CAMKMT: variants seen among roughly 807,000 people sequenced by gnomAD.
CAMKMT encodes calmodulin-lysine N-methyltransferase, also known as CaM KMT.
In CAMKMT, 53 loss-of-function variants were observed where a neutral mutation model predicts 48.0. The observed-to-expected ratio is 1.10, with a 90% confidence interval of 0.89 to 1.39. The LOEUF is 1.39. CAMKMT is among the 40% of genes most tolerant of loss of function. The pLI is 0.00. For synonymous variants in CAMKMT, 165 were observed against 152.3 expected (o/e 1.08, Z -0.61); for missense variants, 428 against 402.7 (o/e 1.06, Z -0.54).
At chr2:44,744,734 A>T (rs897129378) in intron 8 of CAMKMT, among the ~76,000 whole-genome samples, 1 of 152,032 alleles carries the variant, frequency 6.6e-6, no homozygotes, top group Admixed American at 6.6e-5. Flanking sequence ...TTTTAATAAG[A>T]TTTTCAATGG....
intron 3 of CAMKMT, among the ~76,000 whole-genome samples, chr2:44,485,720 A>G (rs951450905): frequency 6.6e-6 from 1 of 152,206 alleles, no homozygotes; most frequent in Non-Finnish European, 1.5e-5. Context: ...AACTGATATT[A>G]TAATCTGAAG....
At chr2:44,643,145 C>G (rs1390122223) in intron 3 of CAMKMT, among the ~76,000 whole-genome samples, 2 of 152,136 alleles carry the variant, frequency 1.3e-5, no homozygotes, top group Non-Finnish European at 2.9e-5. Context: ...AAATTATTGT[C>G]TATGAGTATA....
At chr2:44,547,321 T>A (rs1361168662) in intron 3 of CAMKMT, among the ~76,000 whole-genome samples, 1 of 152,116 alleles carries the variant, frequency 6.6e-6, no homozygotes, top group Non-Finnish European at 1.5e-5. Context: ...CAGGGATTGG[T>A]CAAGCTGGGA....
chr2:44,520,562 T>A (rs1338392421), intron 3 of CAMKMT, among the ~76,000 whole-genome samples: 2 of 152,206 alleles, frequency 1.3e-5, no homozygotes, highest in African/African-American at 4.8e-5. Context: ...CCTGCTCCTC[T>A]TATTTCAAAT....
At chr2:44,412,564 G>C (rs1415757339) in intron 3 of CAMKMT, among the ~76,000 whole-genome samples, 2 of 151,908 alleles carry the variant, frequency 1.3e-5, no homozygotes, top group Non-Finnish European at 2.9e-5. Context: ...TTAAATTCCT[G>C]ACCTCAGGTG....
chr2:44,588,677 G>A (rs1279810178), intron 3 of CAMKMT, among the ~76,000 whole-genome samples: 7 of 41,644 alleles, frequency 1.7e-4, no homozygotes, highest in African/African-American at 7.5e-4. Context: ...CCGGCCAGCC[G>A]CCCAGTCCGG....
intron 1 of CAMKMT, among the ~76,000 whole-genome samples, chr2:44,363,381 C>G (rs1351553675): frequency 2.6e-5 from 4 of 151,866 alleles, no homozygotes; most frequent in African/African-American, 9.7e-5. Context: ...CCCTTCCCCC[C>G]TCCTTTTTTT....
At chr2:44,396,971 A>C (rs1681906961) in intron 3 of CAMKMT, among the ~76,000 whole-genome samples, 1 of 151,536 alleles carries the variant, frequency 6.6e-6, no homozygotes, top group African/African-American at 2.4e-5. Flanking sequence ...AGGCAGTAGA[A>C]TCGCTTGAAC....
At chr2:44,377,047 C>T (rs1679770703) in intron 2 of CAMKMT, among the ~76,000 whole-genome samples, 1 of 152,078 alleles carries the variant, frequency 6.6e-6, no homozygotes, top group Admixed American at 6.6e-5. Context: ...CACTCTGTTG[C>T]CCAGGCTGGT....
intron 3 of CAMKMT, among the ~76,000 whole-genome samples, chr2:44,514,093 C>G (rs1670713155): frequency 7.6e-6 from 1 of 132,408 alleles, no homozygotes; most frequent in African/African-American, 2.8e-5. Flanking sequence ...CAGAGCGAGA[C>G]CCTGTCTCAA....
chr2:44,560,207 G>C (rs1210601455), intron 3 of CAMKMT, among the ~76,000 whole-genome samples: 1 of 152,120 alleles, frequency 6.6e-6, no homozygotes, highest in Non-Finnish European at 1.5e-5. Flanking sequence ...TCTTAGTCTT[G>C]TCCATAAGAA....
chr2:44,651,525 GA>G (rs1386247911), intron 3 of CAMKMT, among the ~76,000 whole-genome samples: 5 of 151,882 alleles, frequency 3.3e-5, no homozygotes, highest in Admixed American at 3.3e-4. Context: ...CTCTACTAAA[GA>G]TACAAAAAAA....
At chr2:44,598,976 G>A (rs911438783) in intron 3 of CAMKMT, among the ~76,000 whole-genome samples, 2 of 151,876 alleles carry the variant, frequency 1.3e-5, no homozygotes, top group Admixed American at 6.6e-5. Context: ...TAGCATTTTT[G>A]TCTGTGCAGG....
intron 3 of CAMKMT, among the ~76,000 whole-genome samples, chr2:44,619,335 C>A (rs1672053213): frequency 1.3e-5 from 2 of 152,044 alleles, no homozygotes; most frequent in African/African-American, 2.4e-5. Context: ...ATTTTAAATT[C>A]TCAAATTTAA....
chr2:44,372,793 A>G lies in CAMKMT; in HGVS notation c.216A>G (p.Ser72=), dbSNP rs570232376. The G allele has an allele frequency of 1.2e-6, 2 of 1,613,942 alleles. No homozygotes were observed. The highest frequency in any genetic ancestry group is 2.2e-5 in the East Asian group (1 of 44,838). ...VRRFESFNLF[S]VTEGKERETE... ...GATTTGAATCATTTAATCTGTTTTC[A>G]GTAACAGAAGGCAAAGAAAGGGAAA... is the stretch of plus-strand genomic sequence containing the variant. The change falls in exon 2 of 11, where the codon TCA becomes TCG. Residue 72 remains serine, a synonymous_variant. Transcript: ENST00000378494.
chr2:44,515,925 C>A (rs1670809711), intron 3 of CAMKMT, among the ~76,000 whole-genome samples: 1 of 152,264 alleles, frequency 6.6e-6, no homozygotes, highest in South Asian at 2.1e-4. Context: ...GCAGTTGCAT[C>A]TATTTATGAG....
At chr2:44,368,110 G>A (rs757191847) in intron 1 of CAMKMT, among the ~76,000 whole-genome samples, 3 of 152,048 alleles carry the variant, frequency 2.0e-5, no homozygotes, top group Non-Finnish European at 2.9e-5. Context: ...TTAATCTTTT[G>A]ACATGAACTT....
chr2:44,542,423 T>A (rs996104250), intron 3 of CAMKMT, among the ~76,000 whole-genome samples: 5 of 149,810 alleles, frequency 3.3e-5, no homozygotes, highest in African/African-American at 1.2e-4. Context: ...ACAAAAAAAA[T>A]AGAAGATGCT....
rs766117863 is a variant in CAMKMT at position 44,524,463 on chromosome 2, TCTC to T, written c.376+134161_376+134163del. ...TTGTTTTCCATTTTGCTAATGGTCTTCTCCTTTTTATTTTTCTTCTCTTCTTCC... is the reference window on the plus strand; with the variant it reads ...TTGTTTTCCATTTTGCTAATGGTCTTCTTTTTATTTTTCTTCTCTTCTTCC... On this transcript the variant is annotated intron_variant, in intron 3 of 10. Transcript: ENST00000378494. Among the ~76,000 whole-genome samples the T allele has an allele frequency of 9.9e-5, 15 of 152,266 alleles. No homozygotes were observed. The South Asian group carries it at 2.1e-3, about 21-fold the overall frequency.
Sources: gnomAD v4.1 joint callset for allele counts (sites outside exome capture counted in the v4.1 genomes callset) on GRCh38, gnomAD v4.1.1 for gene constraint, MANE v1.5 for transcripts, NCBI Gene and HGNC (gene_info 2026-07-23, HGNC 2026-07-21) for gene names.